Variants in KIF1B observed in about 807,000 individuals in gnomAD.
KIF1B encodes kinesin-like protein KIF1B.
Under a neutral mutation model 241.9 loss-of-function variants are expected in KIF1B, and 76 were observed. The ratio of observed to expected loss-of-function variants is 0.31; its 90% confidence interval spans 0.26 to 0.38. The LOEUF (loss-of-function observed/expected upper bound fraction) is 0.38, where lower values mean the gene tolerates loss of function less well. KIF1B is among the 10% of genes least tolerant of loss of function. The pLI, the probability that KIF1B is intolerant of heterozygous loss-of-function variation, is 1.00. For synonymous variants in KIF1B, 750 were observed against 796.7 expected, an observed-to-expected ratio of 0.94 and a Z score of 0.99; for missense variants, 1,622 against 2,271.4, an observed-to-expected ratio of 0.71 and a Z score of 5.81.
intron 38 of KIF1B, among the ~76,000 whole-genome samples, chr1:10,357,699 AG>A (rs1300314874): frequency 6.7e-6 from 1 of 149,322 alleles, no homozygotes; most frequent in East Asian, 2.0e-4. Context: ...TGGGCAACAG[AG>A]CAAGACCCTT....
Position 10,303,455 on chromosome 1 carries a change from A to T in KIF1B, c.2115+6209A>T. On this transcript the variant is annotated intron_variant, in intron 22 of 48. Coordinates refer to ENST00000676179, the MANE Select transcript of KIF1B (RefSeq NM_001365951.3). This position sits in a 1 kb window ranked among gnomAD's most constrained non-coding sequence, Gnocchi z 5.2. ...CTCAATGACTTCAGGCACAGTCGGC[A>T]GGAGATTGAAGCCCTGGCCATTGTC... 1.2e-6 allele frequency: 2 copies of T among 1,614,238 alleles called. No individual in the cohort carries two copies. Among genetic ancestry groups the T allele is most frequent in the Non-Finnish European group, 8.5e-7 (1 of 1,180,042 alleles).
intron 27 of KIF1B, among the ~76,000 whole-genome samples, chr1:10,334,149 CAA>C (rs372716443): frequency 9.6e-5 from 8 of 82,912 alleles, no homozygotes; most frequent in Admixed American, 2.8e-4. Flanking sequence ...GACTCTGTCT[CAA>C]AAAAAAAAAA....
At chr1:10,369,491 C>T (rs1004441395) in intron 44 of KIF1B, among the ~76,000 whole-genome samples, 3 of 152,148 alleles carry the variant, frequency 2.0e-5, no homozygotes, top group Non-Finnish European at 4.4e-5. Context: ...GAAAAATTAG[C>T]CAAATGTGGT....
At chr1:10,219,467 A>G (rs553560697) in intron 1 of KIF1B, among the ~76,000 whole-genome samples, 24 of 149,756 alleles carry the variant, frequency 1.6e-4, no homozygotes, top group African/African-American at 5.2e-4. Context: ...TCTTAAAAGT[A>G]AAAAATAGGC....
chr1:10,278,740 C>T (rs1302761618), intron 13 of KIF1B: 2 of 216,610 alleles, frequency 9.2e-6, no homozygotes, highest in Non-Finnish European at 1.8e-5. Context: ...AAAAAATCTC[C>T]GTGATGTGCC....
chr1:10,323,560 T>A (rs1420040628), intron 24 of KIF1B, among the ~76,000 whole-genome samples: 1 of 152,146 alleles, frequency 6.6e-6, no homozygotes, highest in Non-Finnish European at 1.5e-5. Flanking sequence ...AGGTGGAGGC[T>A]ACAGTGCTCT....
rs545052406 is a variant in KIF1B at position 10,363,378 on chromosome 1, T to C, written c.4366+34T>C. On this transcript the variant is annotated intron_variant, in intron 41 of 48. Coordinates refer to ENST00000676179, the MANE Select transcript of KIF1B (RefSeq NM_001365951.3). Reference sequence around the variant, plus strand: ...TTGTGGATTGAGGAGGTGATAGTTATCTTTGTGTATGTTTCAAGTATCCTG... The same window carrying C: ...TTGTGGATTGAGGAGGTGATAGTTACCTTTGTGTATGTTTCAAGTATCCTG... 2.0e-4 allele frequency: 303 copies of C among 1,530,262 alleles called. 6 individuals carry two copies. The South Asian group carries it at 3.1e-3, about 16-fold the overall frequency. The allele number at this position is 1,530,262 out of a possible 1,614,324, so 94.8% of individuals were successfully genotyped here. A position where few individuals can be genotyped will look rare whatever the true frequency, so the allele number is the denominator to read the frequency against.
At position 10,275,420 on chromosome 1, in the gene KIF1B, T is replaced by C. The variant is rs777974241; in HGVS notation, c.883-8T>C. ...AAAATGCTAAGACCATTTCTTTTCC[T>C]TTAATAGAGTAAAAAGAAGAAGAAA... On this transcript the variant is annotated splice_polypyrimidine_tract_variant and splice_region_variant and intron_variant, in intron 10 of 48. Coordinates refer to ENST00000676179, the MANE Select transcript of KIF1B (RefSeq NM_001365951.3). 1 of 1,486,032 alleles carries C rather than the reference T, an allele frequency of 6.7e-7. No homozygotes were observed. The highest frequency in any genetic ancestry group is 1.1e-5 in the South Asian group (1 of 88,600). 92.1% of individuals were successfully genotyped at this position (1,486,032 alleles called of 1,614,324 possible).
Position 10,295,650 on chromosome 1 carries a change from T to G in KIF1B, c.1671-10T>G. ...GAATTTCCCTGGGAAACACTTTCTC[T>G]TGTGTTCAGGGTTGGCCAAGCAGAT... On this transcript the variant is annotated splice_polypyrimidine_tract_variant and intron_variant, in intron 18 of 48. Coordinates refer to ENST00000676179, the MANE Select transcript of KIF1B (RefSeq NM_001365951.3). 1 of 1,611,514 alleles carries G rather than the reference T, an allele frequency of 6.2e-7. No homozygotes were observed. The highest frequency in any genetic ancestry group is 8.5e-7 in the Non-Finnish European group (1 of 1,178,086).
intron 32 of KIF1B, among the ~76,000 whole-genome samples, chr1:10,341,124 G>A (rs1333101187): frequency 6.6e-5 from 10 of 152,228 alleles, no homozygotes; most frequent in African/African-American, 1.2e-4. Flanking sequence ...AGTGAGCTTC[G>A]AATTACGATA....
At chr1:10,288,460 A>G (rs889362708) in intron 15 of KIF1B, among the ~76,000 whole-genome samples, 9 of 152,132 alleles carry the variant, frequency 5.9e-5, no homozygotes, top group African/African-American at 2.2e-4. Context: ...TAGAGATGCC[A>G]TTCAGGTAGC....
intron 8 of KIF1B, 149 bp from the exon 9 acceptor site, chr1:10,272,092 A>G: frequency 1.5e-6 from 1 of 646,240 alleles, no homozygotes; most frequent in Admixed American, 2.4e-5. Flanking sequence ...TATCAAGTGG[A>G]AAAGAGGACA....
intron 38 of KIF1B, among the ~76,000 whole-genome samples, 171 bp from the exon 39 acceptor site, chr1:10,360,758 C>G (rs1638399172): frequency 6.6e-6 from 1 of 151,670 alleles, no homozygotes; most frequent in Non-Finnish European, 1.5e-5. Flanking sequence ...GGATGGGGAC[C>G]TATCTTTTCC....
intron 1 of KIF1B, among the ~76,000 whole-genome samples, chr1:10,218,520 A>G (rs1646798579): frequency 6.6e-6 from 1 of 151,880 alleles, no homozygotes; most frequent in African/African-American, 2.4e-5. Flanking sequence ...TCCCGGGTTC[A>G]AGTGATTCTC....
intron 22 of KIF1B, among the ~76,000 whole-genome samples, chr1:10,312,872 T>G (rs1651127830): frequency 6.6e-6 from 1 of 151,504 alleles, no homozygotes; most frequent in Non-Finnish European, 1.5e-5. Flanking sequence ...ACCCTTGTCT[T>G]ATTGACCACT....
At chr1:10,324,653 CTT>C (rs201407650) in intron 25 of KIF1B, 103 bp from the exon 26 acceptor site, 3,913 of 1,113,670 alleles carry the variant, frequency 3.5e-3, no homozygotes, top group Non-Finnish European at 4.0e-3. Context: ...GGAGCAACTC[CTT>C]TTTTTTTTTT....
Position 10,277,841 on chromosome 1 carries a change from C to G in KIF1B, c.1038-145C>G. ...CCTTTTTCTTCATCTTTAATAGGTA[C>G]TATAAAGCTTTATACAAATGTATTA... On this transcript the variant is annotated intron_variant, in intron 12 of 48. Transcript: ENST00000676179. 3 of 715,596 alleles carry G rather than the reference C, an allele frequency of 4.2e-6. No individual in the cohort carries two copies. In the South Asian group the frequency reaches 5.4e-5, roughly 13 times the overall value. 44.3% of individuals were successfully genotyped at this position (715,596 alleles called of 1,614,324 possible). A position where few individuals can be genotyped will look rare whatever the true frequency, so the allele number is the denominator to read the frequency against.
chr1:10,366,037 C>T (rs1638561594), intron 43 of KIF1B, among the ~76,000 whole-genome samples: 1 of 152,050 alleles, frequency 6.6e-6, no homozygotes, highest in Non-Finnish European at 1.5e-5. Context: ...TCGAGACCAG[C>T]CTGGCCAACA....
intron 38 of KIF1B, among the ~76,000 whole-genome samples, chr1:10,355,105 G>A (rs1218814656): frequency 1.3e-5 from 2 of 152,142 alleles, no homozygotes; most frequent in African/African-American, 2.4e-5. Context: ...ACCACTGAAA[G>A]GGGTACTGAT....
Sources: gnomAD v4.1 joint callset for allele counts (sites outside exome capture counted in the v4.1 genomes callset) on GRCh38, gnomAD v4.1.1 for gene constraint, Gnocchi (gnomAD v3.1) non-coding constraint, MANE v1.5 for transcripts, NCBI Gene and HGNC (gene_info 2026-07-23, HGNC 2026-07-21) for gene names.